Variants in REDIC1 observed in about 807,000 individuals in gnomAD.
REDIC1 encodes HEI10 Interacting Protein 1.
chr12:39,664,358 G>A, the REDIC1 span, among the ~76,000 whole-genome samples: 2 of 151,852 alleles, frequency 1.3e-5, no homozygotes, highest in Admixed American at 6.6e-5. Context: ...AGTTTGCTGA[G>A]AATGATGGTT....
At chr12:39,691,922 A>G in the REDIC1 span, 2 of 788,390 alleles carry the variant, frequency 2.5e-6, no homozygotes, top group Non-Finnish European at 3.6e-6. Context: ...TTAAAAATAA[A>G]CCATGTTGAA....
the REDIC1 span, among the ~76,000 whole-genome samples, chr12:39,724,684 C>T: frequency 6.6e-6 from 1 of 151,956 alleles, no homozygotes; most frequent in African/African-American, 2.4e-5. Flanking sequence ...GTAGTTTTAC[C>T]ATTCTCTAGT....
the REDIC1 span, chr12:39,684,989 C>T: frequency 4.4e-6 from 5 of 1,147,738 alleles, no homozygotes; most frequent in African/African-American, 3.1e-5. Flanking sequence ...TATCACATTA[C>T]TGTATTTAAC....
the REDIC1 span, among the ~76,000 whole-genome samples, chr12:39,679,521 T>C: frequency 0.018 from 2,731 of 152,260 alleles, 79 homozygotes; most frequent in African/African-American, 0.061. Flanking sequence ...AAACACATCC[T>C]ATGATCATGG....
At chr12:39,702,644 T>C in the REDIC1 span, among the ~76,000 whole-genome samples, 1 of 152,282 alleles carries the variant, frequency 6.6e-6, no homozygotes, top group Non-Finnish European at 1.5e-5. Context: ...AAGAGAATTT[T>C]AGACCAATAT....
chr12:39,732,318 T>C, the REDIC1 span, among the ~76,000 whole-genome samples: 1 of 152,220 alleles, frequency 6.6e-6, no homozygotes, highest in African/African-American at 2.4e-5. Flanking sequence ...CTCCATCCTG[T>C]ATATTTCCTA....
the REDIC1 span, among the ~76,000 whole-genome samples, chr12:39,866,398 A>G: frequency 6.6e-6 from 1 of 152,194 alleles, no homozygotes. Context: ...TCCATAATTC[A>G]ATGTTGTCTT....
At chr12:39,793,070 C>G in the REDIC1 span, among the ~76,000 whole-genome samples, 1 of 152,120 alleles carries the variant, frequency 6.6e-6, no homozygotes, top group Non-Finnish European at 1.5e-5. Context: ...AAAAGTCTTA[C>G]AGTTTGCAAA....
chr12:39,640,285 A>T, the REDIC1 span, among the ~76,000 whole-genome samples: 3 of 151,896 alleles, frequency 2.0e-5, no homozygotes, highest in Non-Finnish European at 4.4e-5. Context: ...CAGCAAAAAA[A>T]TGTCATCTGT....
At chr12:39,686,941 C>A in the REDIC1 span, among the ~76,000 whole-genome samples, 1 of 152,150 alleles carries the variant, frequency 6.6e-6, no homozygotes, top group Admixed American at 6.5e-5. Flanking sequence ...TCCACAGATC[C>A]CTAGGGCAGG....
chr12:39,655,972 A>G, the REDIC1 span, among the ~76,000 whole-genome samples: 1 of 149,974 alleles, frequency 6.7e-6, no homozygotes, highest in East Asian at 1.9e-4. Context: ...GTCCTGCCCC[A>G]CATCAGGTTT....
the REDIC1 span, among the ~76,000 whole-genome samples, chr12:39,822,995 AAT>A: frequency 6.6e-6 from 1 of 152,214 alleles, no homozygotes; most frequent in African/African-American, 2.4e-5. Context: ...CCGAGTCTGC[AAT>A]ATAGTCACTA....
the REDIC1 span, among the ~76,000 whole-genome samples, chr12:39,720,348 A>G: frequency 3.3e-5 from 5 of 152,038 alleles, no homozygotes; most frequent in Non-Finnish European, 7.4e-5. Flanking sequence ...TTACTTAATG[A>G]ATCAATAAAT....
chr12:39,898,794 T>C, the REDIC1 span, among the ~76,000 whole-genome samples: 1 of 152,152 alleles, frequency 6.6e-6, no homozygotes. Flanking sequence ...TCTCACAGCA[T>C]GAACAAATTA....
chr12:39,886,150 G>C, the REDIC1 span, among the ~76,000 whole-genome samples: 47,247 of 152,066 alleles, frequency 0.31, 7,806 homozygotes, highest in South Asian at 0.38. Context: ...CCAAATATCA[G>C]GAAAGAAAGA....
the REDIC1 span, among the ~76,000 whole-genome samples, chr12:39,628,889 G>A: frequency 1.3e-5 from 2 of 152,134 alleles, no homozygotes; most frequent in Non-Finnish European, 2.9e-5. Context: ...GGAAACTGAA[G>A]CATAGTTCAT....
chr12:39,752,465 C>T, the REDIC1 span, among the ~76,000 whole-genome samples: 6 of 152,094 alleles, frequency 3.9e-5, no homozygotes, highest in East Asian at 1.9e-4. Flanking sequence ...TCCATGAAAC[C>T]GGTCCCTTGT....
chr12:39,742,834 T>C, the REDIC1 span, among the ~76,000 whole-genome samples: 7 of 152,188 alleles, frequency 4.6e-5, no homozygotes, highest in African/African-American at 1.7e-4. Flanking sequence ...GTCCCCCAAA[T>C]TGGAGAAACA....
chr12:39,851,609 G>A, the REDIC1 span, among the ~76,000 whole-genome samples: 1 of 152,124 alleles, frequency 6.6e-6, no homozygotes, highest in African/African-American at 2.4e-5. Context: ...GGAGTAATAG[G>A]TTTCTACAGT....
Sources: allele counts gnomAD v4.1 joint callset (sites outside exome capture counted in the v4.1 genomes callset), GRCh38; gene constraint gnomAD v4.1.1; transcripts MANE v1.5; gene names NCBI Gene and HGNC (gene_info 2026-07-23, HGNC 2026-07-21).